PARD3: variants seen among roughly 807,000 people sequenced by gnomAD.
The protein encoded by PARD3 is par-3 family cell polarity regulator.
In PARD3, 75 loss-of-function variants were observed where a neutral mutation model predicts 155.4. That is an observed-to-expected ratio of 0.48 (90% CI 0.40 to 0.58). The LOEUF (loss-of-function observed/expected upper bound fraction) is 0.58, where lower values mean the gene tolerates loss of function less well. PARD3 is among the 20% of genes least tolerant of loss of function. The pLI is 0.00. For synonymous variants in PARD3, 576 were observed against 610.5 expected (o/e 0.94, Z 0.83); for missense variants, 1,642 against 1,721.7 (o/e 0.95, Z 0.82).
chr10:34,123,858 A>G (rs181483146), intron 23 of PARD3, among the ~76,000 whole-genome samples: 58 of 152,346 alleles, frequency 3.8e-4, no homozygotes, highest in African/African-American at 1.2e-3. Flanking sequence ...AGAGTAAAGA[A>G]CAAACATGAA....
At chr10:34,745,583 T>C (rs947849638) in intron 1 of PARD3, among the ~76,000 whole-genome samples, 6 of 152,284 alleles carry the variant, frequency 3.9e-5, no homozygotes, top group Admixed American at 1.3e-4. Flanking sequence ...GCTTTGGGCA[T>C]GCAATCCTCA....
intron 2 of PARD3, among the ~76,000 whole-genome samples, chr10:34,560,436 T>C (rs1213543897): frequency 6.6e-6 from 1 of 151,924 alleles, no homozygotes; most frequent in Non-Finnish European, 1.5e-5. Context: ...TTCAGGGGGT[T>C]GTTACATGTG....
At chr10:34,666,902 T>A (rs1308924686) in intron 2 of PARD3, among the ~76,000 whole-genome samples, 1 of 149,434 alleles carries the variant, frequency 6.7e-6, no homozygotes, top group Non-Finnish European at 1.5e-5. Context: ...GCACAGTGAG[T>A]CATGCCTTGT....
intron 1 of PARD3, among the ~76,000 whole-genome samples, chr10:34,741,917 A>G (rs2095025711): frequency 6.6e-6 from 1 of 152,230 alleles, no homozygotes; most frequent in Non-Finnish European, 1.5e-5. Context: ...AATATAAAAT[A>G]CCTAAAAATT....
intron 22 of PARD3, among the ~76,000 whole-genome samples, chr10:34,192,775 A>T (rs1156503817): frequency 6.6e-6 from 1 of 152,114 alleles, no homozygotes; most frequent in African/African-American, 2.4e-5. Flanking sequence ...GATCTGTGTT[A>T]TCTCCAGGCT....
At chr10:34,328,970 G>A (rs1236460267) in intron 19 of PARD3, among the ~76,000 whole-genome samples, 10 of 152,150 alleles carry the variant, frequency 6.6e-5, no homozygotes, top group Admixed American at 5.9e-4. Context: ...TAGGGCACCT[G>A]CCACACGTGT....
intron 1 of PARD3, among the ~76,000 whole-genome samples, chr10:34,778,627 T>A (rs1167971556): frequency 8.5e-6 from 1 of 118,100 alleles, no homozygotes; most frequent in Non-Finnish European, 1.9e-5. Context: ...GGAGGAAAAT[T>A]TCTACACTGT....
intron 3 of PARD3, among the ~76,000 whole-genome samples, chr10:34,495,926 G>A (rs2080251463): frequency 3.9e-5 from 6 of 152,036 alleles, no homozygotes; most frequent in Admixed American, 3.9e-4. Flanking sequence ...GAAGAGGCTA[G>A]CCATGGTGGC....
intron 2 of PARD3, among the ~76,000 whole-genome samples, chr10:34,601,093 G>A (rs2132499073): frequency 1.4e-5 from 2 of 147,718 alleles, no homozygotes; most frequent in South Asian, 4.2e-4. Flanking sequence ...TTACAGGCGT[G>A]AGCCATTGTG....
chr10:34,728,579 T>C (rs767045704), intron 1 of PARD3, among the ~76,000 whole-genome samples: 2 of 152,250 alleles, frequency 1.3e-5, no homozygotes. Context: ...TTTGTCCTAA[T>C]GCTGCTAATC....
At chr10:34,786,836 ATTTGGT>A (rs1455048636) in intron 1 of PARD3, among the ~76,000 whole-genome samples, 1 of 152,196 alleles carries the variant, frequency 6.6e-6, no homozygotes, top group Non-Finnish European at 1.5e-5. Context: ...ACATATATAG[ATTTGGT>A]TTTTGGAAGG....
intron 22 of PARD3, among the ~76,000 whole-genome samples, chr10:34,212,601 G>A (rs1951806211): frequency 6.6e-6 from 1 of 152,072 alleles, no homozygotes; most frequent in East Asian, 1.9e-4. Flanking sequence ...GACCAGGACT[G>A]TACCTGGTGC....
intron 22 of PARD3, among the ~76,000 whole-genome samples, chr10:34,191,501 C>A (rs540210582): frequency 1.3e-5 from 2 of 152,254 alleles, no homozygotes; most frequent in Admixed American, 1.3e-4. Flanking sequence ...GAAAAATCTC[C>A]TGGCCCAAGG....
At chr10:34,324,782 TC>T (rs1958584675) in intron 19 of PARD3, among the ~76,000 whole-genome samples, 1 of 151,816 alleles carries the variant, frequency 6.6e-6, no homozygotes, top group South Asian at 2.1e-4. Context: ...ATCATCATCA[TC>T]CATCTTTGTG....
intron 22 of PARD3, among the ~76,000 whole-genome samples, chr10:34,140,895 G>A (rs193067692): frequency 1.3e-5 from 2 of 152,280 alleles, no homozygotes; most frequent in Admixed American, 6.5e-5. Context: ...TGATGCTTCA[G>A]GGTATTTATA....
chr10:34,814,727 G>C, intron 1 of PARD3, 149 bp downstream of exon 1: 1 of 641,012 alleles, frequency 1.6e-6, no homozygotes, highest in South Asian at 2.3e-5. Context: ...CCGCAGTCCG[G>C]GGCGGGGGGC....
At chr10:34,199,578 C>T (rs745824412) in intron 22 of PARD3, among the ~76,000 whole-genome samples, 3 of 152,104 alleles carry the variant, frequency 2.0e-5, no homozygotes, top group South Asian at 2.1e-4. Context: ...CCCCCAACCC[C>T]GGTTACCTTC....
intron 1 of PARD3, among the ~76,000 whole-genome samples, chr10:34,737,129 G>C (rs1231099037): frequency 6.6e-6 from 1 of 152,224 alleles, no homozygotes; most frequent in Non-Finnish European, 1.5e-5. Flanking sequence ...GGGGAGAAAG[G>C]GGGACGGAGA....
chr10:34,547,396 T>C (rs887241985), intron 2 of PARD3, among the ~76,000 whole-genome samples: 2 of 152,244 alleles, frequency 1.3e-5, no homozygotes, highest in Non-Finnish European at 2.9e-5. Flanking sequence ...CACATCATTT[T>C]TCCCTTTGGG....
Sources: gnomAD v4.1 joint callset for allele counts (sites outside exome capture counted in the v4.1 genomes callset) on GRCh38, gnomAD v4.1.1 for gene constraint, MANE v1.5 for transcripts, NCBI Gene and HGNC (gene_info 2026-07-23, HGNC 2026-07-21) for gene names.